The following GRID1 variants were observed in gnomAD, a reference collection of about 807,000 sequenced individuals.
GRID1 encodes glutamate receptor ionotropic, delta-1.
A neutral mutation model predicts 98.0 loss-of-function variants in GRID1; 28 were observed. The observed-to-expected ratio is 0.29, with a 90% confidence interval of 0.21 to 0.39. The LOEUF is 0.39. Ranked by LOEUF, GRID1 falls within the 10% of genes least tolerant of loss-of-function variation. The pLI is 1.00. For synonymous variants in GRID1, 553 were observed against 538.5 expected (o/e 1.03, Z -0.37); for missense variants, 1,111 against 1,340.5 (o/e 0.83, Z 2.67).
intron 12 of GRID1, among the ~76,000 whole-genome samples, chr10:85,716,212 A>C (rs1841637492): frequency 6.6e-6 from 1 of 152,184 alleles, no homozygotes; most frequent in Non-Finnish European, 1.5e-5. Flanking sequence ...AGCCAGAATC[A>C]ACCTAACTTT....
intron 3 of GRID1, among the ~76,000 whole-genome samples, chr10:86,162,017 G>A (rs1845330361): frequency 6.6e-6 from 1 of 152,208 alleles, no homozygotes; most frequent in African/African-American, 2.4e-5. Context: ...AGGGCTCCTG[G>A]CAGCTGTCCT....
At chr10:86,254,711 G>T (rs1192569395) in intron 2 of GRID1, among the ~76,000 whole-genome samples, 1 of 152,204 alleles carries the variant, frequency 6.6e-6, no homozygotes, top group Non-Finnish European at 1.5e-5. Context: ...CAGCTGTGCT[G>T]CCACTAAAGC....
At chr10:85,811,655 C>T (rs376840368) in intron 8 of GRID1, among the ~76,000 whole-genome samples, 27 of 151,846 alleles carry the variant, frequency 1.8e-4, no homozygotes, top group African/African-American at 6.3e-4. Flanking sequence ...ATAACAAAAG[C>T]AGACAAAAAA....
At chr10:86,237,291 C>A (rs1429333468) in intron 2 of GRID1, among the ~76,000 whole-genome samples, 1 of 152,148 alleles carries the variant, frequency 6.6e-6, no homozygotes, top group Admixed American at 6.6e-5. Context: ...AAATTGTAAT[C>A]CCCCCAGTGT....
intron 4 of GRID1, among the ~76,000 whole-genome samples, chr10:85,986,235 A>G (rs1842606928): frequency 6.6e-6 from 1 of 152,228 alleles, no homozygotes; most frequent in East Asian, 1.9e-4. Context: ...CCCAAATTTA[A>G]CCAAGAAAAA....
At chr10:86,202,236 AG>A (rs1389757229) in intron 3 of GRID1, among the ~76,000 whole-genome samples, 9 of 152,232 alleles carry the variant, frequency 5.9e-5, no homozygotes, top group African/African-American at 1.4e-4. Context: ...ACATTAGCCA[AG>A]TTACTCCACC....
At chr10:85,644,713 AGTAT>A (rs1343354053) in intron 13 of GRID1, among the ~76,000 whole-genome samples, 3 of 152,218 alleles carry the variant, frequency 2.0e-5, no homozygotes, top group Non-Finnish European at 2.9e-5. Flanking sequence ...TGGGCCATAC[AGTAT>A]GTAAGTGTCC....
At chr10:85,756,820 C>A (rs1270478156) in intron 8 of GRID1, among the ~76,000 whole-genome samples, 1 of 152,168 alleles carries the variant, frequency 6.6e-6, no homozygotes, top group Non-Finnish European at 1.5e-5. Flanking sequence ...ACTGAGCTAA[C>A]AGTTTTATAG....
At chr10:85,845,284 T>A (rs1244276465) in intron 8 of GRID1, among the ~76,000 whole-genome samples, 1 of 152,014 alleles carries the variant, frequency 6.6e-6, no homozygotes, top group Non-Finnish European at 1.5e-5. Context: ...CAGTAACAAG[T>A]AGAAAAATCA....
chr10:85,854,741 C>G, intron 7 of GRID1, 126 bp from the exon 8 acceptor site: 1 of 867,798 alleles, frequency 1.2e-6, no homozygotes, highest in Non-Finnish European at 1.8e-6. Flanking sequence ...CATGGACAGG[C>G]TGTAATGAGG....
chr10:86,014,918 AC>A (rs1842962530), intron 4 of GRID1, among the ~76,000 whole-genome samples: 2 of 152,168 alleles, frequency 1.3e-5, no homozygotes, highest in Non-Finnish European at 2.9e-5. Flanking sequence ...CTTTATGTTT[AC>A]TGTCCTCTCT....
At chr10:85,992,128 T>C (rs72845596) in intron 4 of GRID1, among the ~76,000 whole-genome samples, 7,416 of 151,458 alleles carry the variant, frequency 0.049, 218 homozygotes, top group South Asian at 0.14. Flanking sequence ...AGATGGGAGA[T>C]GAGGGGGCTC....
At chr10:85,809,956 A>T (rs897535922) in intron 8 of GRID1, among the ~76,000 whole-genome samples, 2 of 152,166 alleles carry the variant, frequency 1.3e-5, no homozygotes, top group African/African-American at 4.8e-5. Flanking sequence ...TGGAATTCAC[A>T]TGGCTGCTTT....
intron 4 of GRID1, among the ~76,000 whole-genome samples, chr10:86,006,731 A>G (rs1352078987): frequency 2.0e-5 from 3 of 151,772 alleles, no homozygotes; most frequent in Non-Finnish European, 4.4e-5. Context: ...ACACAAGTAC[A>G]TGAGGTTTAT....
chr10:85,783,739 A>G (rs1842401120), intron 8 of GRID1, among the ~76,000 whole-genome samples: 1 of 152,198 alleles, frequency 6.6e-6, no homozygotes, highest in Non-Finnish European at 1.5e-5. Flanking sequence ...ACAAATAGGC[A>G]ATCAGGGACC....
At chr10:85,742,454 G>A (rs1441877899) in intron 8 of GRID1, among the ~76,000 whole-genome samples, 1 of 152,084 alleles carries the variant, frequency 6.6e-6, no homozygotes, top group Non-Finnish European at 1.5e-5. Context: ...TGTTCCCACT[G>A]CCTAGAATGT....
intron 3 of GRID1, among the ~76,000 whole-genome samples, chr10:86,197,681 C>T (rs746858978): frequency 9.2e-5 from 14 of 152,060 alleles, no homozygotes; most frequent in African/African-American, 1.2e-4. Flanking sequence ...GTGTGGGAGT[C>T]GGCATAGCCT....
intron 5 of GRID1, among the ~76,000 whole-genome samples, chr10:85,889,632 C>T (rs987206953): frequency 1.3e-5 from 2 of 152,144 alleles, no homozygotes; most frequent in Non-Finnish European, 2.9e-5. Flanking sequence ...GTCAATAGTG[C>T]TGCAATAAAC....
At chr10:85,907,331 G>A (rs1841476499) in intron 5 of GRID1, among the ~76,000 whole-genome samples, 1 of 152,034 alleles carries the variant, frequency 6.6e-6, no homozygotes, top group African/African-American at 2.4e-5. Flanking sequence ...AGGCTGGTCT[G>A]GAAGACCCAA....
Sources: allele counts gnomAD v4.1 joint callset (sites outside exome capture counted in the v4.1 genomes callset), GRCh38; gene constraint gnomAD v4.1.1; transcripts MANE v1.5; gene names NCBI Gene and HGNC (gene_info 2026-07-23, HGNC 2026-07-21).